Variants in PTPRD observed in about 807,000 individuals in gnomAD.
PTPRD encodes receptor-type tyrosine-protein phosphatase delta.
In PTPRD, 34 loss-of-function variants were observed where a neutral mutation model predicts 214.5. The observed-to-expected ratio is 0.16, with a 90% CI of 0.12 to 0.21. The LOEUF (loss-of-function observed/expected upper bound fraction) is 0.21. Ranked by LOEUF, PTPRD falls within the 10% of genes least tolerant of loss-of-function variation. The pLI, the probability that PTPRD is intolerant of heterozygous loss-of-function variation, is 1.00. For missense variants in PTPRD, 2,545 were observed against 2,398.7 expected (o/e 1.06, Z -1.27); for synonymous variants, 1,128 against 845.7 (o/e 1.33, Z -5.79).
In PTPRD at chr9:9,564,476, T is replaced by G. The variant is rs111868727; in HGVS notation, c.-237+10256A>C. ...TAAAAATTTCTGACTCCACATTAGA[T>G]CAACTAAATTCGAATTTCTTAGGCT... On this transcript the variant is annotated intron_variant, in intron 8 of 45. Transcript: ENST00000381196. 5.9e-3 allele frequency among the ~76,000 whole-genome samples: 892 copies of G among 152,184 alleles called. 5 individuals are homozygous for G. Among genetic ancestry groups the G allele is most frequent in the Middle Eastern group, 0.02 (6 of 294 alleles).
intron 7 of PTPRD, among the ~76,000 whole-genome samples, chr9:9,678,181 C>A (rs1047020193): frequency 3.3e-4 from 50 of 152,094 alleles, no homozygotes; most frequent in African/African-American, 1.2e-3. Context: ...CCCCATCAAG[C>A]TACCAATGAC....
At chr9:10,568,287 G>A (rs1198440357) in intron 2 of PTPRD, among the ~76,000 whole-genome samples, 1 of 152,034 alleles carries the variant, frequency 6.6e-6, no homozygotes, top group Non-Finnish European at 1.5e-5. Context: ...CCCTGCAAAG[G>A]ACACGAACTC....
At chr9:10,104,260 A>G (rs953610608) in intron 3 of PTPRD, among the ~76,000 whole-genome samples, 3 of 151,774 alleles carry the variant, frequency 2.0e-5, no homozygotes, top group Non-Finnish European at 2.9e-5. Context: ...TAGTTGCACA[A>G]GAATGTGAAT....
At chr9:9,124,542 G>A (rs1161347767) in intron 10 of PTPRD, among the ~76,000 whole-genome samples, 1 of 151,988 alleles carries the variant, frequency 6.6e-6, no homozygotes, top group Admixed American at 6.6e-5. Context: ...AAACAATCAA[G>A]CAATTATAGA....
intron 9 of PTPRD, among the ~76,000 whole-genome samples, chr9:9,245,777 A>C (rs2099972805): frequency 6.6e-6 from 1 of 152,168 alleles, no homozygotes; most frequent in Non-Finnish European, 1.5e-5. Context: ...ACAATGTAAA[A>C]ATAAATATAT....
intron 12 of PTPRD, among the ~76,000 whole-genome samples, chr9:8,658,669 T>TG (rs1286104015): frequency 7.7e-6 from 1 of 130,422 alleles, no homozygotes; most frequent in South Asian, 2.6e-4. Context: ...AAAGCACATT[T>TG]GGAAAAAAAA....
At chr9:9,270,277 T>C (rs910574481) in intron 9 of PTPRD, among the ~76,000 whole-genome samples, 5 of 151,532 alleles carry the variant, frequency 3.3e-5, no homozygotes, top group Middle Eastern at 3.4e-3. Context: ...TTTGTGATAA[T>C]TGCTGTGACA....
In PTPRD at chr9:8,636,864, T is replaced by A. The variant is rs114241506; in HGVS notation, c.65-20A>T. On this transcript the variant is annotated intron_variant, in intron 12 of 45. Transcript: ENST00000381196. ...GAGGTGCTGAAATAAAAAATAAACA[T>A]CACAGTTAAATTGAAAACTGAAATA... 97 of 1,607,812 alleles carry A rather than the reference T, an allele frequency of 6.0e-5. No homozygotes were observed. The African/African-American group carries it at 1.1e-3, about 18-fold the overall frequency.
intron 11 of PTPRD, among the ~76,000 whole-genome samples, chr9:8,820,667 T>C (rs2097035887): frequency 6.6e-6 from 1 of 152,130 alleles, no homozygotes; most frequent in African/African-American, 2.4e-5. Context: ...ATTTTGTATT[T>C]AAAGAAATCA....
rs561516443 is a variant in PTPRD, at chr9:8,341,074, G to T, written c.5126+16C>A. On this transcript the variant is annotated intron_variant, in intron 41 of 45. Coordinates refer to ENST00000381196, the MANE Select transcript of PTPRD (RefSeq NM_002839.4). The stretch of plus-strand genomic sequence containing the variant: ...ATATCAAGGCTTTGGATAGTCAGGG[G>T]AGCAAAAGTAGATACCTGTATCCAT... 9 of 1,566,802 alleles carry T rather than the reference G, an allele frequency of 5.7e-6. No individual in the cohort carries two copies. The African/African-American group carries it at 1.1e-4, about 19-fold the overall frequency.
chr9:9,028,295 C>T (rs963964250), intron 10 of PTPRD, among the ~76,000 whole-genome samples: 1 of 151,882 alleles, frequency 6.6e-6, no homozygotes, highest in Admixed American at 6.6e-5. Flanking sequence ...TTATGCTCAC[C>T]ATATTCACTA....
At chr9:9,343,226 A>G (rs2047510078) in intron 9 of PTPRD, among the ~76,000 whole-genome samples, 1 of 152,170 alleles carries the variant, frequency 6.6e-6, no homozygotes, top group Non-Finnish European at 1.5e-5. Flanking sequence ...CATGATTTGT[A>G]ATCCTTTGGG....
At chr9:10,101,283 T>A (rs1195310448) in intron 3 of PTPRD, among the ~76,000 whole-genome samples, 1 of 151,704 alleles carries the variant, frequency 6.6e-6, no homozygotes. Context: ...TGGAAATTGA[T>A]GTAGGTGTGA....
In PTPRD at chr9:9,849,001, G is replaced by A. The variant is rs988262222; in HGVS notation, c.-367-82150C>T. Among the ~76,000 whole-genome samples the A allele has an allele frequency of 9.9e-5, 15 of 151,880 alleles. No homozygotes were observed. The East Asian group carries it at 1.7e-3, about 18-fold the overall frequency. On this transcript the variant is annotated intron_variant, in intron 5 of 45. Coordinates refer to ENST00000381196, the MANE Select transcript of PTPRD (RefSeq NM_002839.4). ...CAGACACAGAGAAATGTCTGAGCACGTCCAGTTACCCGAAAAACAGGGTGT... is the reference window on the plus strand; with the variant it reads ...CAGACACAGAGAAATGTCTGAGCACATCCAGTTACCCGAAAAACAGGGTGT...
intron 5 of PTPRD, among the ~76,000 whole-genome samples, chr9:9,781,426 G>T (rs1423170036): frequency 6.6e-6 from 1 of 151,922 alleles, no homozygotes; most frequent in East Asian, 1.9e-4. Flanking sequence ...CTATGTAATG[G>T]GAAAAAAAGA....
rs868356575 is a variant in PTPRD at position 10,219,049 on chromosome 9, C to T, written c.-545+121914G>A. 2.6e-5 allele frequency among the ~76,000 whole-genome samples: 4 copies of T among 151,772 alleles called. 1 individual carries two copies. In the Middle Eastern group the frequency reaches 0.01, roughly 387 times the overall value. ...AGGCACCACTTGAAAGTTAAAAACC[C>T]AAATTCAAAGCTGTGCCACAAGCTG... On this transcript the variant is annotated intron_variant, in intron 3 of 45. Transcript: ENST00000381196.
intron 3 of PTPRD, among the ~76,000 whole-genome samples, chr9:10,065,216 G>C (rs377577149): frequency 8.7e-6 from 1 of 114,354 alleles, no homozygotes; most frequent in African/African-American, 3.2e-5. Flanking sequence ...CAGAGGTCCA[G>C]AAACTTATCA....
At chr9:9,300,000 A>G (rs189213589) in intron 9 of PTPRD, among the ~76,000 whole-genome samples, 1 of 149,408 alleles carries the variant, frequency 6.7e-6, no homozygotes, top group Non-Finnish European at 1.5e-5. Context: ...AAATTGTAAA[A>G]AAGTTTGTTA....
At chr9:9,917,690 TAAAC>T (rs2081343062) in intron 5 of PTPRD, among the ~76,000 whole-genome samples, 1 of 151,914 alleles carries the variant, frequency 6.6e-6, no homozygotes, top group Non-Finnish European at 1.5e-5. Context: ...ACAAAAGTCT[TAAAC>T]AAAATACTAA....
Sources: gnomAD v4.1 joint callset for allele counts (sites outside exome capture counted in the v4.1 genomes callset) on GRCh38, gnomAD v4.1.1 for gene constraint, MANE v1.5 for transcripts, NCBI Gene and HGNC (gene_info 2026-07-23, HGNC 2026-07-21) for gene names.